The following ADARB2 variants were observed in gnomAD, a reference collection of about 807,000 sequenced individuals.
The protein encoded by ADARB2 is adenosine deaminase RNA specific B2 (inactive).
Under a neutral mutation model 62.2 loss-of-function variants are expected in ADARB2, and 25 were observed. That is an observed-to-expected ratio of 0.40 (90% CI 0.29 to 0.56). The LOEUF (loss-of-function observed/expected upper bound fraction) is 0.56. Among genes scored for constraint, ADARB2 ranks in the 20% least tolerant of loss-of-function variants. The pLI is 0.43. For synonymous variants in ADARB2, 572 were observed against 500.8 expected, an observed-to-expected ratio of 1.14 and a Z score of -1.90; for missense variants, 1,071 against 1,077.4, an observed-to-expected ratio of 0.99 and a Z score of 0.08.
chr10:1,646,418 C>G (rs1308429440), intron 1 of ADARB2, among the ~76,000 whole-genome samples: 1 of 152,224 alleles, frequency 6.6e-6, no homozygotes, highest in Non-Finnish European at 1.5e-5. Context: ...AAACAATGAA[C>G]AGTGGTCTCA....
intron 1 of ADARB2, among the ~76,000 whole-genome samples, chr10:1,384,403 G>T (rs1396758251): frequency 6.6e-6 from 1 of 152,200 alleles, no homozygotes; most frequent in African/African-American, 2.4e-5. Flanking sequence ...AGACAGGAGT[G>T]TGTGAAGTGA....
At chr10:1,279,730 T>C (rs2805570) in intron 3 of ADARB2, among the ~76,000 whole-genome samples, 86,627 of 151,914 alleles carry the variant, frequency 0.57, 24,959 homozygotes, top group South Asian at 0.76. Flanking sequence ...GGCCCTGCCA[T>C]CCTTTCCTTG....
intron 1 of ADARB2, among the ~76,000 whole-genome samples, chr10:1,412,938 C>T (rs572606391): frequency 2.0e-4 from 31 of 152,334 alleles, no homozygotes; most frequent in Non-Finnish European, 4.1e-4. Context: ...CCCTGCTGGT[C>T]CCCAGCCGCC....
At chr10:1,476,339 G>A (rs1271993999) in intron 1 of ADARB2, among the ~76,000 whole-genome samples, 1 of 152,194 alleles carries the variant, frequency 6.6e-6, no homozygotes, top group Non-Finnish European at 1.5e-5. Flanking sequence ...CCCTTGGCAG[G>A]GAGAAGCCCC....
intron 1 of ADARB2, among the ~76,000 whole-genome samples, chr10:1,483,192 T>G (rs1437015526): frequency 6.6e-6 from 1 of 152,236 alleles, no homozygotes; most frequent in South Asian, 2.1e-4. Flanking sequence ...CCCGTAAGAT[T>G]TAAATTGCAG....
intron 8 of ADARB2, among the ~76,000 whole-genome samples, chr10:1,190,239 C>T (rs975599812): frequency 2.0e-5 from 3 of 152,088 alleles, no homozygotes; most frequent in Admixed American, 6.5e-5. Flanking sequence ...TGGACAAACA[C>T]GTACACGTGC....
rs1247921582 is a variant in ADARB2, at chr10:1,715,401, T to TTAATA, written c.100+21645_100+21649dup. The stretch of plus-strand genomic sequence containing the variant: ...GAAATAAAAGTCACTAAGTGTGTTT[T>TTAATA]TAATATTTGTTTTTTACTGTACAAA... On this transcript the variant is annotated intron_variant, in intron 1 of 9. Transcript: ENST00000381312. Among the ~76,000 whole-genome samples the TTAATA allele has an allele frequency of 2.6e-5, 4 of 152,340 alleles. No homozygotes were observed. In the East Asian group the frequency reaches 7.7e-4, roughly 29 times the overall value.
In ADARB2 at chr10:1,396,087, G is replaced by A. The variant is rs7092825; in HGVS notation, c.101-16927C>T. On this transcript the variant is annotated intron_variant, in intron 1 of 9. Transcript: ENST00000381312. ...TAGACATTCTAGTTAACTGGAAAGC[G>A]AGCAATGATCGCGTAAGTAATTTGT... is the stretch of plus-strand genomic sequence containing the variant. 7.9e-4 allele frequency among the ~76,000 whole-genome samples: 121 copies of A among 152,326 alleles called. 1 individual carries two copies. Among genetic ancestry groups the A allele is most frequent in the African/African-American group, 2.9e-3 (119 of 41,570 alleles).
chr10:1,386,001 G>A (rs1588240533), intron 1 of ADARB2, among the ~76,000 whole-genome samples: 1 of 152,058 alleles, frequency 6.6e-6, no homozygotes, highest in Non-Finnish European at 1.5e-5. Flanking sequence ...ACAGTGTACT[G>A]TAATGTTTAT....
chr10:1,304,983 A>G (rs1831612342), intron 3 of ADARB2, among the ~76,000 whole-genome samples: 1 of 88,086 alleles, frequency 1.1e-5, no homozygotes, highest in African/African-American at 3.1e-5. Context: ...AAGCAAGAGC[A>G]AACACATTCA....
At chr10:1,529,812 C>T (rs1001325499) in intron 1 of ADARB2, among the ~76,000 whole-genome samples, 4 of 152,158 alleles carry the variant, frequency 2.6e-5, no homozygotes, top group African/African-American at 9.7e-5. Context: ...GGGCAAAGGA[C>T]AGGGTATCTC....
At chr10:1,412,154 T>C (rs531324698) in intron 1 of ADARB2, among the ~76,000 whole-genome samples, 1 of 152,140 alleles carries the variant, frequency 6.6e-6, no homozygotes, top group Non-Finnish European at 1.5e-5. Context: ...TTTTCTCCGC[T>C]GAGCTGAGGC....
chr10:1,337,767 C>T (rs184172357), intron 3 of ADARB2, among the ~76,000 whole-genome samples: 1 of 152,292 alleles, frequency 6.6e-6, no homozygotes, highest in African/African-American at 2.4e-5. Context: ...GCATTTAATT[C>T]CCATTTCAAA....
chr10:1,306,154 A>C (rs894575814), intron 3 of ADARB2, among the ~76,000 whole-genome samples: 4 of 150,172 alleles, frequency 2.7e-5, no homozygotes, highest in Non-Finnish European at 3.0e-5. Context: ...GTATATCTAG[A>C]AAACCCCATT....
In ADARB2 at chr10:1,363,133, C is replaced by T. The variant is rs1832276572; in HGVS notation, c.972G>A (p.Lys324=). The T allele has an allele frequency of 6.5e-7, 1 of 1,547,622 alleles. No homozygotes were observed. The change falls in exon 3 of 10, where the codon AAG becomes AAA. Residue 324 remains lysine, a synonymous_variant. Coordinates refer to ENST00000381312, the MANE Select transcript of ADARB2 (RefSeq NM_018702.4). Reference sequence around the variant, plus strand: ...GCGCGGCCTGACCCCGGGCCAGCTTCTTGCTGCGCCCCGAGCCCTCGAACG... The same window carrying T: ...GCGCGGCCTGACCCCGGGCCAGCTTTTTGCTGCGCCCCGAGCCCTCGAACG... The part of the protein sequence containing the change: ...GRTFEGSGRS[K]KLARGQAAQA...
At chr10:1,633,430 C>T (rs189248865) in intron 1 of ADARB2, among the ~76,000 whole-genome samples, 107 of 152,246 alleles carry the variant, frequency 7.0e-4, no homozygotes, top group Middle Eastern at 3.4e-3. Flanking sequence ...AGAGTGTGGA[C>T]GCTGAACTGA....
intron 3 of ADARB2, among the ~76,000 whole-genome samples, chr10:1,354,772 C>A (rs1324794389): frequency 6.6e-6 from 1 of 152,236 alleles, no homozygotes; most frequent in Non-Finnish European, 1.5e-5. Context: ...CAGTTGCCAT[C>A]TCCTTTAGCT....
intron 8 of ADARB2, among the ~76,000 whole-genome samples, chr10:1,185,589 A>G (rs139582825): frequency 6.6e-6 from 1 of 152,332 alleles, no homozygotes; most frequent in Non-Finnish European, 1.5e-5. Flanking sequence ...CTGGCTACAG[A>G]GTGTTTGAGA....
At chr10:1,354,336 T>C (rs1211833718) in intron 3 of ADARB2, among the ~76,000 whole-genome samples, 2 of 152,198 alleles carry the variant, frequency 1.3e-5, no homozygotes, top group African/African-American at 4.8e-5. Context: ...TTCCTTCTCC[T>C]GGCTCATCCT....
Sources: allele counts gnomAD v4.1 joint callset (sites outside exome capture counted in the v4.1 genomes callset), GRCh38; gene constraint gnomAD v4.1.1; transcripts MANE v1.5; gene names NCBI Gene and HGNC (gene_info 2026-07-23, HGNC 2026-07-21).